The following TOX2 variants were observed in gnomAD, a reference collection of about 807,000 sequenced individuals.
TOX2 encodes granulosa cell HMG box 1.
TOX2 carries 15 observed loss-of-function variants against 47.4 expected under a neutral mutation model. That is an observed-to-expected ratio of 0.32 (90% CI 0.21 to 0.49). TOX2 has a LOEUF of 0.49. Among genes scored for constraint, TOX2 ranks in the 20% least tolerant of loss-of-function variants. The probability of loss-of-function intolerance (pLI) is 0.99; values close to 1 mark genes in which losing one functional copy is unlikely to be tolerated. For missense variants in TOX2, 622 were observed against 673.1 expected (o/e 0.92, Z 0.84); for synonymous variants, 290 against 296.6 (o/e 0.98, Z 0.23).
At chr20:44,053,485 CACAT>C (rs1219784188) in intron 4 of TOX2, among the ~76,000 whole-genome samples, 2 of 146,668 alleles carry the variant, frequency 1.4e-5, no homozygotes, top group East Asian at 1.9e-4. Flanking sequence ...TATATATACA[CACAT>C]ATATATACAG....
intron 3 of TOX2, among the ~76,000 whole-genome samples, chr20:44,037,418 C>G (rs998413396): frequency 2.6e-5 from 4 of 152,360 alleles, no homozygotes; most frequent in African/African-American, 9.6e-5. Context: ...CCCATGAGGG[C>G]AGGGTCATTG....
At chr20:43,966,049 A>G (rs2069847274) in intron 1 of TOX2, among the ~76,000 whole-genome samples, 2 of 152,230 alleles carry the variant, frequency 1.3e-5, no homozygotes, top group South Asian at 4.1e-4. Flanking sequence ...CCTGTCAAAA[A>G]TAGTTAATAT....
At chr20:44,068,577 T>A in intron 8 of TOX2, 73 bp from the exon 9 acceptor site, 2 of 1,540,672 alleles carry the variant, frequency 1.3e-6, no homozygotes, top group Non-Finnish European at 1.8e-6. Context: ...GGGCGTACAG[T>A]GCAGGGGTCC....
At chr20:44,036,372 A>G (rs1166338347) in intron 3 of TOX2, among the ~76,000 whole-genome samples, 5 of 152,220 alleles carry the variant, frequency 3.3e-5, no homozygotes, top group African/African-American at 1.2e-4. Context: ...AGCCACACAG[A>G]CATTCATGTG....
At chr20:44,014,944 G>A (rs943543265) in intron 3 of TOX2, among the ~76,000 whole-genome samples, 1 of 152,118 alleles carries the variant, frequency 6.6e-6, no homozygotes, top group Non-Finnish European at 1.5e-5. Context: ...AAGCAACAGC[G>A]GAGTGACAGT....
intron 6 of TOX2, among the ~76,000 whole-genome samples, chr20:44,065,484 A>T (rs1477061812): frequency 6.6e-6 from 1 of 152,194 alleles, no homozygotes; most frequent in Admixed American, 6.5e-5. Flanking sequence ...AGGAGCATGG[A>T]TTCCCCCAAG....
At chr20:44,048,388 T>TATATATATATATATATATATATATATA (rs1555845974) in intron 3 of TOX2, among the ~76,000 whole-genome samples, 16 of 86,842 alleles carry the variant, frequency 1.8e-4, no homozygotes, top group African/African-American at 5.9e-4. Flanking sequence ...TAAAATGAAT[T>TATATATATATATATATATATATATATA]TATATATATA....
intron 1 of TOX2, among the ~76,000 whole-genome samples, chr20:43,965,880 C>A (rs573576504): frequency 2.6e-5 from 4 of 152,036 alleles, no homozygotes; most frequent in Non-Finnish European, 2.9e-5. Context: ...ATGTAAATAA[C>A]GTAGGGGAGG....
intron 2 of TOX2, among the ~76,000 whole-genome samples, chr20:43,993,214 G>A (rs2070402838): frequency 6.6e-6 from 1 of 152,148 alleles, no homozygotes; most frequent in African/African-American, 2.4e-5. Context: ...TGAGCGTAGA[G>A]GACATCAGCT....
At chr20:43,940,766 A>G (rs1183027762) in intron 1 of TOX2, among the ~76,000 whole-genome samples, 6 of 152,224 alleles carry the variant, frequency 3.9e-5, no homozygotes, top group Admixed American at 3.9e-4. Flanking sequence ...GGATTAAGCA[A>G]ACACAAAATC....
chr20:44,056,346 T>A (rs2071615780), intron 5 of TOX2, among the ~76,000 whole-genome samples: 1 of 152,242 alleles, frequency 6.6e-6, no homozygotes, highest in Non-Finnish European at 1.5e-5. Flanking sequence ...GCTTTTGCTA[T>A]AGGGACGTCT....
intron 4 of TOX2, 59 bp downstream of exon 4, chr20:44,051,604 C>T (rs1487822644): frequency 2.0e-6 from 3 of 1,518,436 alleles, no homozygotes; most frequent in Non-Finnish European, 2.7e-6. Flanking sequence ...GGAAGGGGTC[C>T]TGTGGGGAAA....
At position 43,927,640 on chromosome 20, in the gene TOX2, C is replaced by CTTCT. The variant is rs1469471579; in HGVS notation, c.99+12651_99+12652insTCTT. Among the ~76,000 whole-genome samples the CTTCT allele has an allele frequency of 2.6e-3, 338 of 127,976 alleles. 9 individuals are homozygous for CTTCT. The highest frequency in any genetic ancestry group is 0.011 in the African/African-American group (312 of 27,176). 84.0% of individuals were successfully genotyped at this position (127,976 alleles called of 152,430 possible). On this transcript the variant is annotated intron_variant, in intron 1 of 8. Transcript: ENST00000341197. ...TCCTTCCTTCCTCCTTCCTTCCTTC[C>CTTCT]TCCCCTTCCCTTCCCTTCCCCTTCC... is the stretch of plus-strand genomic sequence containing the variant.
intron 1 of TOX2, among the ~76,000 whole-genome samples, chr20:43,918,412 T>C (rs2069080610): frequency 6.6e-6 from 1 of 152,136 alleles, no homozygotes; most frequent in Admixed American, 6.5e-5. Flanking sequence ...AGCATCCCAG[T>C]CCAGATAGAG....
Position 43,969,756 on chromosome 20 carries a change from G to A in TOX2, c.100-3611G>A, listed in dbSNP as rs373530930. On this transcript the variant is annotated intron_variant, in intron 1 of 8. Transcript: ENST00000341197. ...GGTGCCCAAGGGTAACTGAACTGAG[G>A]AGACTCAGGCCCTGCCTCGGGAACC... is the stretch of plus-strand genomic sequence containing the variant. Among the ~76,000 whole-genome samples, 115 of 152,356 alleles carry A rather than the reference G, an allele frequency of 7.5e-4. 3 individuals carry two copies. In the South Asian group the frequency reaches 0.023, roughly 31 times the overall value.
At chr20:44,020,134 A>T (rs1422849806) in intron 3 of TOX2, among the ~76,000 whole-genome samples, 1 of 152,170 alleles carries the variant, frequency 6.6e-6, no homozygotes, top group Non-Finnish European at 1.5e-5. Context: ...GACATTAGAG[A>T]TGCTATCTGG....
At chr20:43,938,440 C>T (rs1305550788) in intron 1 of TOX2, among the ~76,000 whole-genome samples, 2 of 152,158 alleles carry the variant, frequency 1.3e-5, no homozygotes, top group Non-Finnish European at 1.5e-5. Context: ...CCGGAAAGCA[C>T]GTCTCAAATG....
intron 2 of TOX2, among the ~76,000 whole-genome samples, chr20:43,996,598 G>A (rs1241165446): frequency 2.0e-5 from 3 of 152,014 alleles, no homozygotes; most frequent in Non-Finnish European, 4.4e-5. Context: ...CTGTAAAATG[G>A]AAATGCCATT....
chr20:44,025,350 C>T (rs1179931132), intron 3 of TOX2, among the ~76,000 whole-genome samples: 2 of 150,620 alleles, frequency 1.3e-5, no homozygotes, highest in Non-Finnish European at 3.0e-5. Flanking sequence ...CATGTCCATT[C>T]GTCGTTGGCC....
Sources: gnomAD v4.1 joint callset for allele counts (sites outside exome capture counted in the v4.1 genomes callset) on GRCh38, gnomAD v4.1.1 for gene constraint, MANE v1.5 for transcripts, NCBI Gene and HGNC (gene_info 2026-07-23, HGNC 2026-07-21) for gene names.